SDCCAG8: variants seen among roughly 807,000 people sequenced by gnomAD.
SDCCAG8 encodes serologically defined colon cancer antigen 8.
SDCCAG8 carries 74 observed loss-of-function variants against 101.8 expected under a neutral mutation model. The observed-to-expected ratio is 0.73, with a 90% CI of 0.60 to 0.88. The LOEUF is 0.88. SDCCAG8 is among the 40% of genes least tolerant of loss of function. SDCCAG8 has a pLI of 0.00. For synonymous variants in SDCCAG8, 281 were observed against 292.9 expected (o/e 0.96, Z 0.41); for missense variants, 787 against 822.6 (o/e 0.96, Z 0.53).
chr1:243,476,821 A>G (rs915127250), intron 16 of SDCCAG8, among the ~76,000 whole-genome samples: 3 of 152,258 alleles, frequency 2.0e-5, no homozygotes, highest in Non-Finnish European at 4.4e-5. Context: ...GGGCCAGTCA[A>G]CAAGATTAGA....
At chr1:243,288,596 G>T (rs1360452354) in intron 5 of SDCCAG8, among the ~76,000 whole-genome samples, 2 of 152,126 alleles carry the variant, frequency 1.3e-5, no homozygotes, top group Non-Finnish European at 2.9e-5. Flanking sequence ...TCTTCTTTTG[G>T]GGGGAAGGGG....
intron 12 of SDCCAG8, among the ~76,000 whole-genome samples, chr1:243,356,365 A>C (rs1320300362): frequency 1.4e-5 from 2 of 140,000 alleles, no homozygotes; most frequent in East Asian, 2.4e-4. Context: ...AGAGCAAGAA[A>C]GATGCTAGAA....
intron 6 of SDCCAG8, among the ~76,000 whole-genome samples, chr1:243,301,364 G>C (rs35166125): frequency 0.018 from 2,746 of 152,094 alleles, 35 homozygotes; most frequent in Non-Finnish European, 0.028. Context: ...GGTGGTTCTC[G>C]TGTACTTTTC....
At chr1:243,460,808 C>T (rs1364152837) in intron 16 of SDCCAG8, among the ~76,000 whole-genome samples, 4 of 152,174 alleles carry the variant, frequency 2.6e-5, no homozygotes, top group Non-Finnish European at 4.4e-5. Flanking sequence ...CTGACGGCAG[C>T]GTGTTCGGCT....
At chr1:243,361,626 C>T (rs2076715864) in intron 12 of SDCCAG8, among the ~76,000 whole-genome samples, 3 of 152,186 alleles carry the variant, frequency 2.0e-5, no homozygotes, top group East Asian at 1.9e-4. Context: ...GTGGAGCCTC[C>T]GTGGTTTGCC....
At chr1:243,419,049 T>C (rs1393421453) in intron 15 of SDCCAG8, among the ~76,000 whole-genome samples, 2 of 152,116 alleles carry the variant, frequency 1.3e-5, no homozygotes, top group East Asian at 3.9e-4. Flanking sequence ...ATCTGATCAC[T>C]CTGAGCTCCA....
At chr1:243,404,730 CATAGA>C (rs2079640478) in intron 13 of SDCCAG8, among the ~76,000 whole-genome samples, 1 of 152,104 alleles carries the variant, frequency 6.6e-6, no homozygotes. Context: ...GTTACTAGTC[CATAGA>C]ATACAGCCGT....
chr1:243,463,690 T>C (rs2148166704), intron 16 of SDCCAG8, among the ~76,000 whole-genome samples: 1 of 152,250 alleles, frequency 6.6e-6, no homozygotes, highest in East Asian at 1.9e-4. Context: ...ACTCATTAAA[T>C]TCACCATATG....
In SDCCAG8 at chr1:243,286,305, G is replaced by A. The variant is rs374580113; in HGVS notation, c.454G>A (p.Val152Ile). 1.2e-6 allele frequency: 2 copies of A among 1,614,010 alleles called. No individual in the cohort carries two copies. Among genetic ancestry groups the A allele is most frequent in the African/African-American group, 1.3e-5 (1 of 75,044 alleles). The stretch of plus-strand genomic sequence containing the variant: ...CTCTGGAATGAAAAATAAAATACAA[G>A]TAGTTGTGCTTGAAAACGAAGGGCT... ...ELSGMKNKIQ[V>I]VVLENEGLQQ... is the part of the protein sequence containing the mutation. Residue 152 changes from valine (V) to isoleucine (I), a missense_variant, in exon 5 of 18, where the codon GTA becomes ATA. Transcript: ENST00000366541.
intron 5 of SDCCAG8, among the ~76,000 whole-genome samples, chr1:243,288,873 G>T (rs1317144293): frequency 6.6e-6 from 1 of 151,934 alleles, no homozygotes. Context: ...CGGGCGTGGT[G>T]GTGGGCACCT....
intron 16 of SDCCAG8, among the ~76,000 whole-genome samples, chr1:243,464,698 G>A (rs1659789676): frequency 6.6e-6 from 1 of 152,222 alleles, no homozygotes; most frequent in African/African-American, 2.4e-5. Flanking sequence ...ACCGTGTGAG[G>A]TGTGTAGGAA....
intron 16 of SDCCAG8, among the ~76,000 whole-genome samples, chr1:243,478,824 G>A (rs896553639): frequency 6.6e-6 from 1 of 151,992 alleles, no homozygotes; most frequent in Non-Finnish European, 1.5e-5. Context: ...TGAGCGTGGT[G>A]GTGTGTGCCT....
intron 13 of SDCCAG8, among the ~76,000 whole-genome samples, chr1:243,403,024 G>T (rs2079512308): frequency 6.6e-6 from 1 of 152,118 alleles, no homozygotes; most frequent in South Asian, 2.1e-4. Context: ...AAGAGTTGTT[G>T]AAAATAAATT....
At chr1:243,356,081 G>T (rs999746688) in intron 12 of SDCCAG8, among the ~76,000 whole-genome samples, 1 of 152,158 alleles carries the variant, frequency 6.6e-6, no homozygotes, top group African/African-American at 2.4e-5. Flanking sequence ...TATACTGAAG[G>T]TCCACTATGT....
chr1:243,387,128 T>C (rs1003195965), intron 13 of SDCCAG8, among the ~76,000 whole-genome samples: 11 of 152,224 alleles, frequency 7.2e-5, no homozygotes, highest in Non-Finnish European at 1.0e-4. Flanking sequence ...ATGACTACCA[T>C]TTATACACAC....
At chr1:243,260,560 T>G (rs769767279) in intron 1 of SDCCAG8, among the ~76,000 whole-genome samples, 3 of 152,162 alleles carry the variant, frequency 2.0e-5, no homozygotes, top group Non-Finnish European at 4.4e-5. Context: ...TAAGGGGATA[T>G]CAGAAAGGAG....
Position 243,406,918 on chromosome 1 carries a change from A to AT in SDCCAG8, c.1617-8776dup, listed in dbSNP as rs1002918231. 3.9e-5 allele frequency among the ~76,000 whole-genome samples: 6 copies of AT among 151,908 alleles called. No individual in the cohort carries two copies. In the East Asian group the frequency reaches 7.7e-4, roughly 20 times the overall value. The stretch of plus-strand genomic sequence containing the variant: ...TTACTACTCATATTTTAAGCTTCTG[A>AT]TTTTTTTTAAGCTTCCTGAAATCCT... On this transcript the variant is annotated intron_variant, in intron 13 of 17. Coordinates refer to ENST00000366541, the MANE Select transcript of SDCCAG8 (RefSeq NM_006642.5).
At chr1:243,350,417 C>T (rs1466141548) in intron 12 of SDCCAG8, among the ~76,000 whole-genome samples, 2 of 151,930 alleles carry the variant, frequency 1.3e-5, no homozygotes, top group African/African-American at 4.8e-5. Context: ...AGGGTTTTAC[C>T]GTGTTGCCCA....
chr1:243,468,508 G>A (rs936699574), intron 16 of SDCCAG8, among the ~76,000 whole-genome samples: 2 of 152,160 alleles, frequency 1.3e-5, no homozygotes, highest in African/African-American at 2.4e-5. Context: ...ATGAGCCACC[G>A]TACCTGGCCT....
Sources: gnomAD v4.1 joint callset for allele counts (sites outside exome capture counted in the v4.1 genomes callset) on GRCh38, gnomAD v4.1.1 for gene constraint, MANE v1.5 for transcripts, NCBI Gene and HGNC (gene_info 2026-07-23, HGNC 2026-07-21) for gene names.